The following WDR44 variants were observed in gnomAD, a reference collection of about 807,000 sequenced individuals.
WDR44 encodes WD repeat domain 44.
A neutral mutation model predicts 65.7 loss-of-function variants in WDR44; 9 were observed. The observed-to-expected ratio is 0.14, with a 90% CI of 0.08 to 0.24. The LOEUF is 0.24. Ranked by LOEUF, WDR44 falls within the 10% of genes least tolerant of loss-of-function variation. The probability of loss-of-function intolerance (pLI) is 1.00; values close to 1 mark genes in which losing one functional copy is unlikely to be tolerated. For synonymous variants in WDR44, 220 were observed against 235.2 expected, an observed-to-expected ratio of 0.94 and a Z score of 0.59; for missense variants, 425 against 670.9, an observed-to-expected ratio of 0.63 and a Z score of 4.05.
chrX:118,424,323 G>GTATATATATA (rs1171699587), intron 12 of WDR44, among the ~76,000 whole-genome samples: 18 of 65,547 alleles, frequency 2.7e-4, no homozygotes, highest in African/African-American at 6.9e-4. Flanking sequence ...GTGTGTGTGT[G>GTATATATATA]TATATATATA....
chrX:118,350,716 A>T (rs1423543471), intron 1 of WDR44, among the ~76,000 whole-genome samples: 3 of 112,167 alleles, frequency 2.7e-5, no homozygotes, highest in Non-Finnish European at 3.8e-5. Context: ...AAAGGCTGGC[A>T]CTGAGAACAT....
At chrX:118,433,009 A>G in intron 13 of WDR44, 115 bp downstream of exon 13, 1 of 572,524 alleles carries the variant, frequency 1.7e-6, no homozygotes, top group Non-Finnish European at 2.8e-6. Flanking sequence ...TAAGGCCTTC[A>G]ACTGATTGGA....
chrX:118,438,795 A>ATGTTTTTTTTTTTTT (rs2057276284), intron 14 of WDR44, among the ~76,000 whole-genome samples: 1 of 62,565 alleles, frequency 1.6e-5, no homozygotes, highest in Admixed American at 2.2e-4. Flanking sequence ...CTGTTCAGCC[A>ATGTTTTTTTTTTTTT]TGTTTTTTTT....
At chrX:118,410,262 A>G (rs999438533) in intron 11 of WDR44, among the ~76,000 whole-genome samples, 4 of 111,503 alleles carry the variant, frequency 3.6e-5, no homozygotes, top group African/African-American at 1.3e-4. Context: ...GAAGTAAAGC[A>G]TAGGAGAAAG....
intron 1 of WDR44, among the ~76,000 whole-genome samples, chrX:118,354,510 CCA>C (rs1157896347): frequency 1.8e-5 from 2 of 110,787 alleles, no homozygotes; most frequent in Admixed American, 9.6e-5. Flanking sequence ...TTCACTTTCT[CCA>C]CAGAGTCCTG....
chrX:118,402,160 C>T (rs979993744), intron 8 of WDR44, among the ~76,000 whole-genome samples: 1 of 109,416 alleles, frequency 9.1e-6, no homozygotes, highest in Non-Finnish European at 1.9e-5. Context: ...AGAGGCCAGG[C>T]GTGGTGGCTC....
intron 14 of WDR44, among the ~76,000 whole-genome samples, chrX:118,440,345 T>C (rs1311099655): frequency 9.0e-6 from 1 of 110,557 alleles, no homozygotes; most frequent in Non-Finnish European, 1.9e-5. Context: ...CCCACCAGTT[T>C]TGACAACCAA....
chrX:118,368,600 G>A (rs1032357319), intron 1 of WDR44, among the ~76,000 whole-genome samples: 2 of 105,794 alleles, frequency 1.9e-5, no homozygotes, highest in Non-Finnish European at 3.8e-5. Context: ...AGGGCCTTTG[G>A]GAAAGGTTTG....
intron 1 of WDR44, among the ~76,000 whole-genome samples, chrX:118,361,017 TG>T (rs765851730): frequency 3.4e-4 from 38 of 111,062 alleles, no homozygotes; most frequent in Non-Finnish European, 6.2e-4. Flanking sequence ...CCTCAGGGCC[TG>T]AAAAAAAAGT....
intron 8 of WDR44, among the ~76,000 whole-genome samples, chrX:118,402,357 C>T (rs1171614903): frequency 1.1e-4 from 11 of 104,462 alleles, no homozygotes; most frequent in African/African-American, 3.9e-4. Context: ...ATTGCTTGAA[C>T]CCAGGAGGCA....
At chrX:118,386,315 A>G in intron 2 of WDR44, 3 of 341,567 alleles carry the variant, frequency 8.8e-6, no homozygotes, top group South Asian at 2.8e-5. Context: ...TGAGAAGAGT[A>G]TTGTATTGAG....
intron 1 of WDR44, among the ~76,000 whole-genome samples, chrX:118,371,088 CAG>C (rs1349252042): frequency 9.0e-6 from 1 of 111,671 alleles, no homozygotes; most frequent in Non-Finnish European, 1.9e-5. Context: ...GACATACAGA[CAG>C]ATGGCCAACA....
chrX:118,382,555 C>T (rs1193533650), intron 2 of WDR44, among the ~76,000 whole-genome samples: 4 of 112,059 alleles, frequency 3.6e-5, no homozygotes, highest in Non-Finnish European at 7.5e-5. Flanking sequence ...TACCAGTTAC[C>T]TGAATTTTTC....
At chrX:118,404,922 G>T (rs753106276) in intron 9 of WDR44, among the ~76,000 whole-genome samples, 1 of 111,438 alleles carries the variant, frequency 9.0e-6, no homozygotes, top group South Asian at 3.7e-4. Context: ...GGATGGTCTC[G>T]ATCTCCTGAC....
At chrX:118,423,950 A>G (rs751276519) in intron 12 of WDR44, among the ~76,000 whole-genome samples, 1 of 111,417 alleles carries the variant, frequency 9.0e-6, no homozygotes, top group African/African-American at 3.3e-5. Context: ...TTATGACTGA[A>G]TAGTATTCTG....
chrX:118,440,949 CTTTTTTTTT>C (rs1214126337), intron 14 of WDR44, among the ~76,000 whole-genome samples: 364 of 50,307 alleles, frequency 7.2e-3, no homozygotes, highest in African/African-American at 0.031. Flanking sequence ...TAAATGAAAT[CTTTTTTTTT>C]TTTTTTTTTT....
intron 1 of WDR44, among the ~76,000 whole-genome samples, chrX:118,361,737 AAC>A (rs779923343): frequency 2.9e-4 from 32 of 111,990 alleles, no homozygotes; most frequent in African/African-American, 1.0e-3. Context: ...CAGTCTGGGA[AAC>A]AGAGACCTTG....
At chrX:118,374,572 C>T (rs2056641002) in intron 1 of WDR44, among the ~76,000 whole-genome samples, 1 of 111,561 alleles carries the variant, frequency 9.0e-6, no homozygotes, top group Non-Finnish European at 1.9e-5. Flanking sequence ...TTAGTGATGT[C>T]ACCCAGTTGC....
At chrX:118,436,969 T>C (rs754552835) in intron 14 of WDR44, 145 bp downstream of exon 14, 166 of 540,591 alleles carry the variant, frequency 3.1e-4, no homozygotes, top group African/African-American at 2.0e-3. Flanking sequence ...TCATTTTGCT[T>C]TAGAAATGAG....
Sources: gnomAD v4.1 joint callset for allele counts (sites outside exome capture counted in the v4.1 genomes callset) on GRCh38, gnomAD v4.1.1 for gene constraint, MANE v1.5 for transcripts, NCBI Gene and HGNC (gene_info 2026-07-23, HGNC 2026-07-21) for gene names.